Variants in IARS1 observed in about 807,000 individuals in gnomAD.
IARS1 encodes the protein isoleucyl-tRNA synthetase 1.
In IARS1, 124 loss-of-function variants were observed where a neutral mutation model predicts 168.2. That is an observed-to-expected ratio of 0.74 (90% CI 0.64 to 0.86). The LOEUF is 0.86. Ranked by LOEUF, IARS1 falls within the 40% of genes least tolerant of loss-of-function variation. The pLI, the probability that IARS1 is intolerant of heterozygous loss-of-function variation, is 0.00. For missense variants in IARS1, 1,452 were observed against 1,515.8 expected (o/e 0.96, Z 0.70); for synonymous variants, 532 against 529.4 (o/e 1.00, Z -0.07).
intron 17 of IARS1, among the ~76,000 whole-genome samples, chr9:92,261,542 G>A (rs1831527588): frequency 1.3e-5 from 2 of 152,254 alleles, no homozygotes; most frequent in African/African-American, 4.8e-5. Flanking sequence ...ACACACGATA[G>A]CCGTATACAG....
chr9:92,239,714 C>A (rs955823394), intron 30 of IARS1, among the ~76,000 whole-genome samples: 3 of 152,164 alleles, frequency 2.0e-5, no homozygotes, highest in African/African-American at 4.8e-5. Flanking sequence ...GGGCTCATTA[C>A]TGCCCCCCAC....
In IARS1 at chr9:92,247,472, A is replaced by C; in HGVS notation, c.2696T>G (p.Met899Arg). Reference sequence around the variant, plus strand: ...TCCCTTCAGACGCTTCCCCAGGACCATGTGATCTGGTTCTGCCCTTAGCCG... The same window carrying C: ...TCCCTTCAGACGCTTCCCCAGGACCCTGTGATCTGGTTCTGCCCTTAGCCG... ...GIRLRAEPDH[M>R]VLGKRLKGAF... The change falls in exon 26 of 34, where the codon ATG becomes AGG. Residue 899 changes from methionine to arginine, a missense_variant. Coordinates refer to ENST00000443024, the MANE Select transcript of IARS1 (RefSeq NM_002161.6). 6.2e-7 allele frequency: 1 copy of C among 1,614,196 alleles called. No individual in the cohort carries two copies.
chr9:92,230,930 T>C (rs1271594715), intron 30 of IARS1, among the ~76,000 whole-genome samples: 2 of 152,268 alleles, frequency 1.3e-5, no homozygotes, highest in Non-Finnish European at 2.9e-5. Context: ...CCCCATTTTC[T>C]AACTGGATTT....
rs543449770 is a variant in IARS1, at chr9:92,231,418, T to C, written c.3284-2292A>G. Among the ~76,000 whole-genome samples the C allele has an allele frequency of 1.0e-4, 15 of 150,746 alleles. No individual in the cohort carries two copies. The South Asian group carries it at 1.7e-3, about 17-fold the overall frequency. On this transcript the variant is annotated intron_variant, in intron 30 of 33. Coordinates refer to ENST00000443024, the MANE Select transcript of IARS1 (RefSeq NM_002161.6). ...ACGTATATGTGTTATTTTTTTCTTT[T>C]TTTTTTTTTTTTGAGACGGAGTTTT...
chr9:92,263,606 ACT>A (rs1831847818), intron 16 of IARS1, among the ~76,000 whole-genome samples: 1 of 152,140 alleles, frequency 6.6e-6, no homozygotes. Flanking sequence ...CTAGTCCTGC[ACT>A]CTGAGAACAT....
At chr9:92,253,816 T>C (rs1469659955) in intron 20 of IARS1, 3 of 493,264 alleles carry the variant, frequency 6.1e-6, no homozygotes, top group South Asian at 3.0e-5. Context: ...GCATCAACAA[T>C]GCCCAACTTC....
At chr9:92,280,084 A>C (rs1342210397) in intron 7 of IARS1, among the ~76,000 whole-genome samples, 2 of 152,220 alleles carry the variant, frequency 1.3e-5, no homozygotes, top group African/African-American at 4.8e-5. Flanking sequence ...ACTACTGTGA[A>C]TAATGCTCCT....
At chr9:92,214,901 G>A (rs1034205255) in intron 33 of IARS1, among the ~76,000 whole-genome samples, 18 of 152,340 alleles carry the variant, frequency 1.2e-4, no homozygotes, top group African/African-American at 4.1e-4. Context: ...CGGGAAGCTC[G>A]AATTGGGTGG....
At chr9:92,266,344 C>G (rs191193098) in intron 14 of IARS1, among the ~76,000 whole-genome samples, 1 of 152,328 alleles carries the variant, frequency 6.6e-6, no homozygotes, top group Admixed American at 6.5e-5. Context: ...GGTGGGAATA[C>G]ATTCTGAGAA....
At chr9:92,243,572 G>A in intron 27 of IARS1, 1 of 306,562 alleles carries the variant, frequency 3.3e-6, no homozygotes, top group South Asian at 4.1e-5. Context: ...GATGCCCTGG[G>A]ACCACCTCTT....
At chr9:92,218,907 A>C (rs1191278547) in intron 33 of IARS1, among the ~76,000 whole-genome samples, 2 of 152,052 alleles carry the variant, frequency 1.3e-5, no homozygotes, top group African/African-American at 4.8e-5. Flanking sequence ...TCTTCACAGA[A>C]TTGGAAAAAA....
intron 29 of IARS1, 146 bp downstream of exon 29, chr9:92,242,008 C>T (rs1828486106): frequency 1.6e-6 from 1 of 615,226 alleles, no homozygotes; most frequent in Non-Finnish European, 2.8e-6. Context: ...CACTCTCTGA[C>T]TCTACCCACT....
intron 13 of IARS1, 63 bp downstream of exon 13, chr9:92,269,822 G>A (rs909256218): frequency 2.1e-5 from 23 of 1,096,338 alleles, no homozygotes; most frequent in Non-Finnish European, 3.1e-5. Context: ...TGGGGGAAGT[G>A]TAAACCATAC....
intron 30 of IARS1, among the ~76,000 whole-genome samples, chr9:92,232,789 A>G (rs750288106): frequency 6.6e-6 from 1 of 152,226 alleles, no homozygotes; most frequent in Non-Finnish European, 1.5e-5. Flanking sequence ...TCTCTACAGA[A>G]AAGAAAACAG....
Position 92,250,259 on chromosome 9 carries a change from ACT to A in IARS1, c.2458_2459del (p.Ser820CysfsTer10), listed in dbSNP as rs1157840485. 3.1e-6 allele frequency: 5 copies of A among 1,610,742 alleles called. No individual in the cohort carries two copies. Among genetic ancestry groups the A allele is most frequent in the Middle Eastern group, 1.7e-4 (1 of 6,060 alleles). ...TCACAGACTGCATCTGAGATACTGCACTCTCTGTTTTCTTGTCAATCAATTCT... is the reference window on the plus strand; with the variant it reads ...TCACAGACTGCATCTGAGATACTGCACTCTGTTTTCTTGTCAATCAATTCT... ...REELIDKKTE[S>X]AVSQMQSVIE... On this transcript the variant is annotated frameshift_variant, in exon 24 of 34. Coordinates refer to ENST00000443024, the MANE Select transcript of IARS1 (RefSeq NM_002161.6). LOFTEE classifies it high-confidence loss of function.
At chr9:92,259,767 T>C (rs1391169440) in intron 18 of IARS1, among the ~76,000 whole-genome samples, 6 of 152,176 alleles carry the variant, frequency 3.9e-5, no homozygotes, top group Non-Finnish European at 7.3e-5. Context: ...ACCTCTAGCA[T>C]AGATATATCT....
chr9:92,245,156 T>C (rs1829001755), intron 26 of IARS1, 85 bp from the exon 27 acceptor site: 2 of 1,062,226 alleles, frequency 1.9e-6, no homozygotes, highest in South Asian at 2.6e-5. Context: ...CCTTCTTGAT[T>C]AAAATTTCAC....
intron 12 of IARS1, 75 bp from the exon 13 acceptor site, chr9:92,270,058 G>GT: frequency 3.4e-6 from 3 of 875,690 alleles, no homozygotes. Flanking sequence ...GACTTTTCAT[G>GT]TCTTATTGAC....
intron 33 of IARS1, among the ~76,000 whole-genome samples, chr9:92,212,738 C>T (rs1027340368): frequency 2.0e-5 from 3 of 152,094 alleles, no homozygotes; most frequent in South Asian, 2.1e-4. Context: ...AATGAAAGAG[C>T]CAAGTGTGTT....
Sources: gnomAD v4.1 joint callset for allele counts (sites outside exome capture counted in the v4.1 genomes callset) on GRCh38, gnomAD v4.1.1 for gene constraint, MANE v1.5 for transcripts, NCBI Gene and HGNC (gene_info 2026-07-23, HGNC 2026-07-21) for gene names.